CACNA2D3: variants seen among roughly 807,000 people sequenced by gnomAD.
The protein encoded by CACNA2D3 is calcium voltage-gated channel auxiliary subunit alpha2delta 3, also known as voltage-dependent calcium channel subunit alpha-2/delta-3.
In CACNA2D3, 60 loss-of-function variants were observed where a neutral mutation model predicts 160.6. The ratio of observed to expected loss-of-function variants is 0.37; its 90% CI spans 0.30 to 0.46. The LOEUF (loss-of-function observed/expected upper bound fraction) is 0.46, where lower values mean the gene tolerates loss of function less well. CACNA2D3 is among the 20% of genes least tolerant of loss of function. The pLI is 1.00. For missense variants in CACNA2D3, 1,205 were observed against 1,365.0 expected (o/e 0.88, Z 1.85); for synonymous variants, 558 against 492.9 (o/e 1.13, Z -1.75).
At chr3:54,638,935 A>C (rs1699440980) in intron 10 of CACNA2D3, 1 of 151,966 alleles carries the variant, frequency 6.6e-6, no homozygotes, top group Admixed American at 6.6e-5. Context: ...AGAAGAAAGG[A>C]ATGGAAGGTG....
chr3:54,388,103 A>G (rs1248763779), intron 4 of CACNA2D3, among the ~76,000 whole-genome samples: 1 of 152,190 alleles, frequency 6.6e-6, no homozygotes, highest in Admixed American at 6.5e-5. Flanking sequence ...AGTGAAACCA[A>G]CATGCAGTGG....
At chr3:55,028,805 C>T (rs2107173560) in intron 35 of CACNA2D3, among the ~76,000 whole-genome samples, 1 of 152,128 alleles carries the variant, frequency 6.6e-6, no homozygotes, top group South Asian at 2.1e-4. Flanking sequence ...CATCACTTCT[C>T]ATAAAAATTA....
chr3:54,857,186 A>G (rs1699190305), intron 17 of CACNA2D3, among the ~76,000 whole-genome samples: 1 of 152,204 alleles, frequency 6.6e-6, no homozygotes, highest in Non-Finnish European at 1.5e-5. Context: ...GGGATGGTGA[A>G]TATGCTGGGT....
intron 4 of CACNA2D3, among the ~76,000 whole-genome samples, chr3:54,427,555 A>G (rs1446593155): frequency 1.3e-5 from 2 of 152,212 alleles, no homozygotes; most frequent in Admixed American, 6.5e-5. Flanking sequence ...AATATAGGAC[A>G]CACAGTTAAA....
At chr3:54,370,235 T>A (rs1698900962) in intron 3 of CACNA2D3, among the ~76,000 whole-genome samples, 1 of 152,240 alleles carries the variant, frequency 6.6e-6, no homozygotes. Flanking sequence ...TGAGCTAGAA[T>A]TCTGCTAGAT....
intron 4 of CACNA2D3, among the ~76,000 whole-genome samples, chr3:54,479,030 A>G (rs1011855993): frequency 6.6e-6 from 1 of 152,006 alleles, no homozygotes; most frequent in Non-Finnish European, 1.5e-5. Context: ...CTGTAACTAC[A>G]TGTGTTACCA....
At chr3:54,421,312 A>G (rs940300248) in intron 4 of CACNA2D3, among the ~76,000 whole-genome samples, 6 of 152,240 alleles carry the variant, frequency 3.9e-5, no homozygotes, top group African/African-American at 1.2e-4. Flanking sequence ...GAAATGTTCT[A>G]GAATATTTTC....
rs189189936 is a variant in CACNA2D3 at position 54,191,985 on chromosome 3, G to A, written c.204+68391G>A. ...GCATTGGCATTGAGGCGGTTTGTTTGGAGGAGGTTTGGGTTTATTTGGGAC... is the reference window on the plus strand; with the variant it reads ...GCATTGGCATTGAGGCGGTTTGTTTAGAGGAGGTTTGGGTTTATTTGGGAC... On this transcript the variant is annotated intron_variant, in intron 2 of 37. Coordinates refer to ENST00000474759, the MANE Select transcript of CACNA2D3 (RefSeq NM_018398.3). 7.9e-5 allele frequency among the ~76,000 whole-genome samples: 12 copies of A among 152,288 alleles called. No homozygotes were observed. The East Asian group carries it at 2.3e-3, about 29-fold the overall frequency.
intron 35 of CACNA2D3, among the ~76,000 whole-genome samples, chr3:55,038,697 T>C (rs911605656): frequency 2.7e-4 from 41 of 151,752 alleles, no homozygotes; most frequent in African/African-American, 8.5e-4. Flanking sequence ...CAAACACTTA[T>C]CAACAAAACA....
At chr3:54,588,221 A>G (rs1702798264) in intron 9 of CACNA2D3, among the ~76,000 whole-genome samples, 1 of 152,228 alleles carries the variant, frequency 6.6e-6, no homozygotes, top group African/African-American at 2.4e-5. Context: ...TCATATGATC[A>G]TATTAATTGA....
chr3:54,173,025 A>G (rs1700606776), intron 2 of CACNA2D3, among the ~76,000 whole-genome samples: 1 of 152,196 alleles, frequency 6.6e-6, no homozygotes, highest in Non-Finnish European at 1.5e-5. Flanking sequence ...GCACTAAAGG[A>G]ACTGGGACCA....
chr3:54,230,984 T>C (rs554027024), intron 2 of CACNA2D3, among the ~76,000 whole-genome samples: 1 of 152,260 alleles, frequency 6.6e-6, no homozygotes, highest in African/African-American at 2.4e-5. Flanking sequence ...TAGATGATGA[T>C]GGGGACACAT....
chr3:54,560,927 T>C (rs1421219760), intron 5 of CACNA2D3, among the ~76,000 whole-genome samples: 2 of 152,206 alleles, frequency 1.3e-5, no homozygotes, highest in Non-Finnish European at 1.5e-5. Flanking sequence ...TTGGTTCCAT[T>C]GGTCTATGTA....
At chr3:54,553,691 G>T (rs946648472) in intron 5 of CACNA2D3, among the ~76,000 whole-genome samples, 2 of 152,094 alleles carry the variant, frequency 1.3e-5, no homozygotes, top group African/African-American at 4.8e-5. Flanking sequence ...GTAGAAAATG[G>T]CAAGTTTAAA....
At chr3:54,979,054 T>C (rs1160896835) in intron 29 of CACNA2D3, among the ~76,000 whole-genome samples, 3 of 152,224 alleles carry the variant, frequency 2.0e-5, no homozygotes, top group African/African-American at 4.8e-5. Context: ...TTTTGTTCCA[T>C]AGAGGGAATC....
intron 9 of CACNA2D3, among the ~76,000 whole-genome samples, chr3:54,591,594 A>G (rs558231098): frequency 7.5e-6 from 1 of 133,236 alleles, no homozygotes; most frequent in Non-Finnish European, 1.5e-5. Flanking sequence ...TTTTCACATC[A>G]CTAGAACATC....
intron 2 of CACNA2D3, among the ~76,000 whole-genome samples, chr3:54,224,672 T>G (rs1429709151): frequency 2.0e-5 from 3 of 152,226 alleles, no homozygotes; most frequent in Admixed American, 2.0e-4. Flanking sequence ...GCCTCTCTCT[T>G]GTCTTTCGTG....
intron 4 of CACNA2D3, among the ~76,000 whole-genome samples, chr3:54,462,444 T>G (rs1298523926): frequency 6.6e-6 from 1 of 152,226 alleles, no homozygotes; most frequent in Non-Finnish European, 1.5e-5. Context: ...ACTTGCTTTA[T>G]GAATCTGGGT....
intron 11 of CACNA2D3, among the ~76,000 whole-genome samples, chr3:54,730,543 C>T (rs938921896): frequency 1.3e-5 from 2 of 152,110 alleles, no homozygotes; most frequent in Non-Finnish European, 2.9e-5. Flanking sequence ...CGCTCTGTCG[C>T]CCAGGCTGGA....
Sources: gnomAD v4.1 joint callset for allele counts (sites outside exome capture counted in the v4.1 genomes callset) on GRCh38, gnomAD v4.1.1 for gene constraint, MANE v1.5 for transcripts, NCBI Gene and HGNC (gene_info 2026-07-23, HGNC 2026-07-21) for gene names.